Variants in TTC28 observed in about 807,000 individuals in gnomAD.
TTC28 encodes tetratricopeptide repeat protein 28.
Under a neutral mutation model 198.0 loss-of-function variants are expected in TTC28, and 61 were observed. That is an observed-to-expected ratio of 0.31 (90% CI 0.25 to 0.38). The LOEUF is 0.38. Ranked by LOEUF, TTC28 falls within the 10% of genes least tolerant of loss-of-function variation. The probability of loss-of-function intolerance (pLI) is 1.00; values close to 1 mark genes in which losing one functional copy is unlikely to be tolerated. For synonymous variants in TTC28, 1,171 were observed against 1,297.8 expected (o/e 0.90, Z 2.10); for missense variants, 2,678 against 3,164.0 (o/e 0.85, Z 3.69).
intron 2 of TTC28, among the ~76,000 whole-genome samples, chr22:28,416,499 T>C (rs1008917883): frequency 2.6e-5 from 4 of 152,228 alleles, no homozygotes; most frequent in Non-Finnish European, 4.4e-5. Flanking sequence ...CTTTATACTT[T>C]GCTAGTGACA....
At chr22:28,268,455 C>A (rs1339022686) in intron 5 of TTC28, among the ~76,000 whole-genome samples, 1 of 152,166 alleles carries the variant, frequency 6.6e-6, no homozygotes, top group Non-Finnish European at 1.5e-5. Context: ...TGAAGGCAGA[C>A]TGACTTCGAG....
Position 28,108,052 on chromosome 22 carries a change from C to T in TTC28, c.1793G>A (p.Ser598Asn). 6.4e-7 allele frequency: 1 copy of T among 1,551,588 alleles called. No homozygotes were observed. The highest frequency in any genetic ancestry group is 8.7e-7 in the Non-Finnish European group (1 of 1,146,982). The change falls in exon 7 of 23, where the codon AGC (serine) becomes AAC (asparagine). Residue 598 changes from serine to asparagine, a missense_variant. Ser to Asn is a conservative substitution (Grantham distance 46). This residue lies in a region of TTC28 where 775 missense variants were observed against 845.9 expected (regional missense o/e 0.92). Transcript: ENST00000397906. ...AGAGCAGTGGAAATTGCCCAGGTTG[C>T]TGAGGGCCCGGGCCTCGCTCTGGAT... ...RDIQSEARAL[S>N]NLGNFHCSRG...
At chr22:28,442,205 A>G (rs2047633685) in intron 2 of TTC28, among the ~76,000 whole-genome samples, 1 of 152,014 alleles carries the variant, frequency 6.6e-6, no homozygotes, top group Admixed American at 6.5e-5. Flanking sequence ...TTTCCCCATG[A>G]TCGATTCACA....
At chr22:28,227,637 A>G (rs1311210773) in intron 5 of TTC28, among the ~76,000 whole-genome samples, 1 of 152,160 alleles carries the variant, frequency 6.6e-6, no homozygotes, top group African/African-American at 2.4e-5. Flanking sequence ...ACTAGTCATT[A>G]GGAAAATGCA....
chr22:28,455,028 A>T (rs2047837989), intron 2 of TTC28, among the ~76,000 whole-genome samples: 1 of 152,218 alleles, frequency 6.6e-6, no homozygotes, highest in African/African-American at 2.4e-5. Flanking sequence ...TAAGCAAGAG[A>T]AATTAAGAGT....
chr22:28,267,223 G>C (rs928491733), intron 5 of TTC28, among the ~76,000 whole-genome samples: 4 of 152,124 alleles, frequency 2.6e-5, no homozygotes, highest in Non-Finnish European at 5.9e-5. Flanking sequence ...TCTATATCTT[G>C]AAAGAAGCTA....
intron 6 of TTC28, among the ~76,000 whole-genome samples, chr22:28,162,818 C>T (rs1238655810): frequency 2.6e-5 from 4 of 152,058 alleles, no homozygotes; most frequent in Non-Finnish European, 4.4e-5. Context: ...GGTGTACTGG[C>T]GTGTGCCTGT....
chr22:28,004,872 C>T (rs1354659313), intron 14 of TTC28, among the ~76,000 whole-genome samples: 1 of 152,168 alleles, frequency 6.6e-6, no homozygotes, highest in Non-Finnish European at 1.5e-5. Context: ...TATCATCAGT[C>T]AGACTACAAA....
intron 5 of TTC28, among the ~76,000 whole-genome samples, chr22:28,225,803 A>G (rs958776969): frequency 2.6e-5 from 4 of 152,180 alleles, no homozygotes; most frequent in African/African-American, 7.2e-5. Context: ...CCTTACCCCT[A>G]TTACCAGGCA....
chr22:28,239,741 C>G (rs1283496591), intron 5 of TTC28, among the ~76,000 whole-genome samples: 1 of 151,938 alleles, frequency 6.6e-6, no homozygotes. Context: ...AGGAATGGGG[C>G]TTGAAAAAAG....
At chr22:28,101,782 T>A (rs1601620704) in intron 8 of TTC28, among the ~76,000 whole-genome samples, 5 of 53,128 alleles carry the variant, frequency 9.4e-5, no homozygotes, top group African/African-American at 9.7e-5. Flanking sequence ...CCATCTCTGT[T>A]AAAAAAAAAA....
intron 2 of TTC28, among the ~76,000 whole-genome samples, chr22:28,534,428 G>GA (rs2049218272): frequency 6.6e-6 from 1 of 152,216 alleles, no homozygotes; most frequent in African/African-American, 2.4e-5. Flanking sequence ...TGCTGGACAG[G>GA]ATGTGGAGAA....
intron 6 of TTC28, among the ~76,000 whole-genome samples, chr22:28,130,999 C>G (rs927548213): frequency 3.3e-5 from 5 of 152,204 alleles, no homozygotes; most frequent in African/African-American, 1.2e-4. Flanking sequence ...TCCCTTTTAT[C>G]AAGCCCTTCT....
intron 1 of TTC28, among the ~76,000 whole-genome samples, chr22:28,633,151 G>A (rs1479728425): frequency 1.3e-5 from 2 of 151,426 alleles, no homozygotes; most frequent in East Asian, 3.9e-4. Flanking sequence ...ATGGTGGCGG[G>A]TGCCTATAAT....
chr22:28,374,433 T>G lies in TTC28; in HGVS notation c.382-67790A>C, dbSNP rs992360287. On this transcript the variant is annotated intron_variant, in intron 2 of 22. Coordinates refer to ENST00000397906, the MANE Select transcript of TTC28 (RefSeq NM_001145418.2). ...TCATTATCCTTGCCTTGAAAAAATATAAAGTCCATTGTTGGTGAACAGTAT... is the reference window on the plus strand; with the variant it reads ...TCATTATCCTTGCCTTGAAAAAATAGAAAGTCCATTGTTGGTGAACAGTAT... Among the ~76,000 whole-genome samples the G allele has an allele frequency of 5.7e-4, 87 of 152,246 alleles. 1 individual carries two copies. The highest frequency in any genetic ancestry group is 2.0e-3 in the African/African-American group (84 of 41,560).
chr22:28,649,088 A>G (rs1477722237), intron 1 of TTC28, among the ~76,000 whole-genome samples: 1 of 152,212 alleles, frequency 6.6e-6, no homozygotes, highest in African/African-American at 2.4e-5. Context: ...AGTGAAGATG[A>G]TTCCATTCCA....
intron 1 of TTC28, among the ~76,000 whole-genome samples, chr22:28,642,132 C>A (rs1167853254): frequency 6.6e-6 from 1 of 150,888 alleles, no homozygotes; most frequent in Non-Finnish European, 1.5e-5. Flanking sequence ...GTCAAGAATG[C>A]ATGTTGTAAT....
intron 6 of TTC28, among the ~76,000 whole-genome samples, chr22:28,144,829 C>G (rs779830893): frequency 5.3e-5 from 8 of 152,184 alleles, no homozygotes; most frequent in Non-Finnish European, 7.3e-5. Context: ...GGGGAATATG[C>G]GAAGGGTGCG....
chr22:28,454,584 C>T (rs1310626877), intron 2 of TTC28, among the ~76,000 whole-genome samples: 2 of 152,134 alleles, frequency 1.3e-5, no homozygotes, highest in South Asian at 2.1e-4. Flanking sequence ...GAAAAGTAAG[C>T]AGTAATTATT....
Sources: allele counts gnomAD v4.1 joint callset (sites outside exome capture counted in the v4.1 genomes callset), GRCh38; gene constraint gnomAD v4.1.1; regional missense constraint gnomAD v4.1.1; transcripts MANE v1.5; gene names NCBI Gene and HGNC (gene_info 2026-07-23, HGNC 2026-07-21).